Variants in CACNA1A observed in about 807,000 individuals in gnomAD.
CACNA1A encodes calcium voltage-gated channel subunit alpha1 A.
A neutral mutation model predicts 262.4 loss-of-function variants in CACNA1A; 57 were observed. The observed-to-expected ratio is 0.22, with a 90% CI of 0.18 to 0.27. CACNA1A has a LOEUF of 0.27. Among genes scored for constraint, CACNA1A ranks in the 10% least tolerant of loss-of-function variants. CACNA1A has a pLI of 1.00. For synonymous variants in CACNA1A, 1,431 were observed against 1,419.3 expected, an observed-to-expected ratio of 1.01 and a Z score of -0.18; for missense variants, 2,526 against 3,562.8, an observed-to-expected ratio of 0.71 and a Z score of 7.41.
chr19:13,399,075 T>G (rs1380011007), intron 3 of CACNA1A, among the ~76,000 whole-genome samples: 2 of 152,154 alleles, frequency 1.3e-5, no homozygotes, highest in Non-Finnish European at 2.9e-5. Flanking sequence ...GCTCGGGGCT[T>G]GGACTAGCTG....
chr19:13,482,232 T>C (rs972766112), intron 1 of CACNA1A, among the ~76,000 whole-genome samples: 2 of 152,032 alleles, frequency 1.3e-5, no homozygotes, highest in African/African-American at 4.8e-5. Context: ...ACGTCTGTAA[T>C]CCCAGCATTT....
chr19:13,286,090 C>CT (rs2057392161), intron 20 of CACNA1A, among the ~76,000 whole-genome samples: 1 of 151,618 alleles, frequency 6.6e-6, no homozygotes, highest in African/African-American at 2.4e-5. Context: ...CATCTGGCCC[C>CT]TTTTTTAATG....
intron 6 of CACNA1A, among the ~76,000 whole-genome samples, chr19:13,350,404 C>T (rs937637279): frequency 6.6e-6 from 1 of 152,148 alleles, no homozygotes; most frequent in Non-Finnish European, 1.5e-5. Flanking sequence ...GGGGAGGAAA[C>T]ACTTAGGGGT....
At chr19:13,349,501 G>A (rs2058865218) in intron 6 of CACNA1A, among the ~76,000 whole-genome samples, 1 of 152,214 alleles carries the variant, frequency 6.6e-6, no homozygotes, top group South Asian at 2.1e-4. Context: ...CACATAGGGT[G>A]AGGGGGTCCC....
At chr19:13,428,568 C>T (rs778418785) in intron 3 of CACNA1A, among the ~76,000 whole-genome samples, 3 of 152,146 alleles carry the variant, frequency 2.0e-5, no homozygotes, top group Non-Finnish European at 2.9e-5. Flanking sequence ...GCATATTACA[C>T]GGATCATCTC....
At position 13,206,504 on chromosome 19, in the gene CACNA1A, C is replaced by G. The variant is rs2054574197; in HGVS notation, c.*809G>C. On this transcript the variant is annotated 3_prime_UTR_variant, in exon 47 of 47. Coordinates refer to ENST00000360228, the MANE Select transcript of CACNA1A (RefSeq NM_001127222.2). ...AATGTCATGCAATAATTCACAGTCC[C>G]AAGCCCACGGTTTTCAAACAAGGTA... The G allele has an allele frequency of 6.6e-6, 1 of 152,062 alleles. No individual in the cohort carries two copies. Among genetic ancestry groups the G allele is most frequent in the African/African-American group, 2.4e-5 (1 of 41,200 alleles). 9.4% of individuals were successfully genotyped at this position (152,062 alleles called of 1,614,324 possible).
intron 6 of CACNA1A, among the ~76,000 whole-genome samples, chr19:13,346,652 ATATATATATATATATTTTTTTTTTTTTTT>A (rs2058785052): frequency 5.2e-4 from 3 of 5,718 alleles, no homozygotes; most frequent in African/African-American, 2.4e-3. Flanking sequence ...ATATATATAT[ATATATATATATATATTTTTTTTTTTTTTT>A]TTTTTTTTTT....
At chr19:13,499,996 C>G (rs1490516404) in intron 1 of CACNA1A, among the ~76,000 whole-genome samples, 1 of 152,098 alleles carries the variant, frequency 6.6e-6, no homozygotes, top group East Asian at 1.9e-4. Flanking sequence ...ACGCACCCAA[C>G]AGATGCCTCC....
intron 3 of CACNA1A, among the ~76,000 whole-genome samples, chr19:13,410,604 T>A (rs1366711218): frequency 6.7e-6 from 1 of 149,094 alleles, no homozygotes; most frequent in African/African-American, 2.5e-5. Context: ...AGCTAACACA[T>A]GCCCCATCTC....
Position 13,380,732 on chromosome 19 carries a change from G to GGTTTGTTT in CACNA1A, c.540-8961_540-8954dup, listed in dbSNP as rs576457560. On this transcript the variant is annotated intron_variant, in intron 3 of 46. Coordinates refer to ENST00000360228, the MANE Select transcript of CACNA1A (RefSeq NM_001127222.2). ...AAGAAACAGGTAAAATTCATTTATT[G>GGTTTGTTT]GTTTGTTTGTTTGTTTGTTTATTTA... Among the ~76,000 whole-genome samples, 308 of 136,844 alleles carry GGTTTGTTT rather than the reference G, an allele frequency of 2.3e-3. 3 individuals are homozygous for GGTTTGTTT. Among genetic ancestry groups the GGTTTGTTT allele is most frequent in the Middle Eastern group, 0.011 (3 of 266 alleles). The allele number at this position is 136,844 out of a possible 152,430, so 89.8% of individuals were successfully genotyped here.
chr19:13,212,679 G>A lies in CACNA1A; in HGVS notation c.6002C>T (p.Pro2001Leu), dbSNP rs1156793905. The change falls in exon 41 of 47, where the codon CCT becomes CTT. Residue 2001 changes from proline (P) to leucine (L), a missense_variant. By Grantham distance (98) the Pro-to-Leu change is moderately conservative. Transcript: ENST00000360228. This position sits in a 1 kb window ranked among gnomAD's most constrained non-coding sequence, Gnocchi z 5.6. ...EPPSPTQEGG[P>L]GQNALPSTQL... ...GGTGGAGGGGAGGGCGTTCTGGCCAGGTCCCCCTTCCTGCGTTGGGGACGG... is the reference window on the plus strand; with the variant it reads ...GGTGGAGGGGAGGGCGTTCTGGCCAAGTCCCCCTTCCTGCGTTGGGGACGG... The A allele has an allele frequency of 2.0e-6, 3 of 1,512,734 alleles. No individual in the cohort carries two copies. The highest frequency in any genetic ancestry group is 2.7e-6 in the Non-Finnish European group (3 of 1,131,350). 93.7% of individuals were successfully genotyped at this position (1,512,734 alleles called of 1,614,324 possible).
chr19:13,278,685 G>C (rs1468390148), intron 22 of CACNA1A, among the ~76,000 whole-genome samples: 1 of 152,192 alleles, frequency 6.6e-6, no homozygotes, highest in Non-Finnish European at 1.5e-5. Flanking sequence ...GGCGTCTCCA[G>C]CTTATAATAC....
At chr19:13,410,404 A>T (rs59666966) in intron 3 of CACNA1A, among the ~76,000 whole-genome samples, 9,511 of 151,434 alleles carry the variant, frequency 0.063, 988 homozygotes, top group African/African-American at 0.22. Flanking sequence ...TTAAAAAAAA[A>T]TTTTTTTTGT....
intron 1 of CACNA1A, among the ~76,000 whole-genome samples, chr19:13,480,844 T>C (rs921971678): frequency 6.6e-6 from 1 of 152,242 alleles, no homozygotes; most frequent in Non-Finnish European, 1.5e-5. Flanking sequence ...GTTCTTACCA[T>C]GTGCTGGGCA....
At chr19:13,279,365 A>T (rs1387700128) in intron 22 of CACNA1A, among the ~76,000 whole-genome samples, 1 of 152,074 alleles carries the variant, frequency 6.6e-6, no homozygotes, top group Non-Finnish European at 1.5e-5. Flanking sequence ...CCCCAATAAG[A>T]TCTCACTCCA....
At chr19:13,436,687 G>A (rs1158305055) in intron 3 of CACNA1A, among the ~76,000 whole-genome samples, 1 of 152,176 alleles carries the variant, frequency 6.6e-6, no homozygotes, top group Non-Finnish European at 1.5e-5. Context: ...ACCCCCCAGA[G>A]GAAGGAGACA....
At chr19:13,452,167 C>T (rs564102742) in intron 3 of CACNA1A, 2 of 152,242 alleles carry the variant, frequency 1.3e-5, no homozygotes, top group East Asian at 1.9e-4. Flanking sequence ...GACAAATAAA[C>T]TTCTGCCGTG....
chr19:13,319,420 C>T (rs2058201257), intron 10 of CACNA1A, among the ~76,000 whole-genome samples: 2 of 152,192 alleles, frequency 1.3e-5, no homozygotes, highest in Admixed American at 1.3e-4. Flanking sequence ...ATTCGCTCAT[C>T]CATTCATCCA....
Position 13,235,685 on chromosome 19 carries a change from G to A in CACNA1A, c.4996C>T (p.Arg1666Trp), listed in dbSNP as rs121908220. The A allele has an allele frequency of 1.2e-6, 2 of 1,613,898 alleles. No individual in the cohort carries two copies. Among genetic ancestry groups the A allele is most frequent in the Non-Finnish European group, 8.5e-7 (1 of 1,179,852 alleles). ...LSFLRLFRAA[R>W]LIKLLRQGYT... ...CCCTGACGGAGAAGTTTGATGAGCC[G>A]GGCAGCTCGGAAGAGGCGGAGAAAG... The change falls in exon 32 of 47, where the codon CGG becomes TGG. Residue 1666 changes from arginine to tryptophan, a missense_variant. Physicochemically the swap from Arg to Trp is moderately radical, Grantham distance 101. Around this residue, in one of 17 missense-constraint regions of CACNA1A, gnomAD observed 66 missense variants for 195.8 expected, o/e 0.34. Transcript: ENST00000360228.
Sources: gnomAD v4.1 joint callset for allele counts (sites outside exome capture counted in the v4.1 genomes callset) on GRCh38, gnomAD v4.1.1 for gene constraint, gnomAD v4.1.1 regional missense constraint, Gnocchi (gnomAD v3.1) non-coding constraint, MANE v1.5 for transcripts, NCBI Gene and HGNC (gene_info 2026-07-23, HGNC 2026-07-21) for gene names.